DCC: variants seen among roughly 807,000 people sequenced by gnomAD.
The protein encoded by DCC is DCC netrin 1 receptor, also known as netrin receptor DCC.
In DCC, 58 loss-of-function variants were observed where a neutral mutation model predicts 172.5. That is an observed-to-expected ratio of 0.34 (90% confidence interval 0.27 to 0.42). The LOEUF (loss-of-function observed/expected upper bound fraction) is 0.42, where lower values mean the gene tolerates loss of function less well. Among genes scored for constraint, DCC ranks in the 10% least tolerant of loss-of-function variants. The pLI, the probability that DCC is intolerant of heterozygous loss-of-function variation, is 1.00. For missense variants in DCC, 1,740 were observed against 1,791.0 expected, an observed-to-expected ratio of 0.97 and a Z score of 0.51; for synonymous variants, 709 against 644.5, an observed-to-expected ratio of 1.10 and a Z score of -1.52.
chr18:52,493,561 C>T (rs971479248), intron 1 of DCC, among the ~76,000 whole-genome samples: 61 of 151,900 alleles, frequency 4.0e-4, no homozygotes, highest in African/African-American at 1.3e-3. Flanking sequence ...TTTCTGTGTC[C>T]TTAATGTTAT....
At chr18:52,342,993 T>C (rs1983722147) in intron 1 of DCC, among the ~76,000 whole-genome samples, 1 of 152,240 alleles carries the variant, frequency 6.6e-6, no homozygotes, top group South Asian at 2.1e-4. Flanking sequence ...AAGGAAGGGA[T>C]ACATACACAC....
chr18:52,486,678 A>G (rs1385530445), intron 1 of DCC, among the ~76,000 whole-genome samples: 1 of 152,172 alleles, frequency 6.6e-6, no homozygotes, highest in African/African-American at 2.4e-5. Flanking sequence ...TCGTAAAGAT[A>G]GAATACGAAC....
intron 5 of DCC, among the ~76,000 whole-genome samples, chr18:53,005,855 C>T (rs2041636598): frequency 6.6e-6 from 1 of 152,140 alleles, no homozygotes; most frequent in Non-Finnish European, 1.5e-5. Context: ...TATACCTTTG[C>T]TTCGCTTATT....
chr18:52,631,862 C>T (rs1311705493), intron 1 of DCC, among the ~76,000 whole-genome samples: 1 of 152,128 alleles, frequency 6.6e-6, no homozygotes, highest in Non-Finnish European at 1.5e-5. Flanking sequence ...TTAAATTGTC[C>T]TAAATTATCC....
chr18:53,218,860 C>G (rs1428732521), intron 12 of DCC, among the ~76,000 whole-genome samples: 1 of 152,018 alleles, frequency 6.6e-6, no homozygotes, highest in Non-Finnish European at 1.5e-5. Flanking sequence ...CAAATACATA[C>G]TACAACTTAA....
At chr18:52,547,888 C>T (rs1416776782) in intron 1 of DCC, among the ~76,000 whole-genome samples, 1 of 152,086 alleles carries the variant, frequency 6.6e-6, no homozygotes, top group African/African-American at 2.4e-5. Flanking sequence ...CTCAACTTTG[C>T]CATGTAGCCC....
chr18:53,151,532 T>G (rs1249695556), intron 7 of DCC, among the ~76,000 whole-genome samples: 2 of 152,212 alleles, frequency 1.3e-5, no homozygotes, highest in Non-Finnish European at 2.9e-5. Context: ...TTATTTTATG[T>G]GTGTGAGATA....
At chr18:52,479,489 C>G (rs563863795) in intron 1 of DCC, among the ~76,000 whole-genome samples, 258 of 152,056 alleles carry the variant, frequency 1.7e-3, no homozygotes, top group African/African-American at 6.0e-3. Flanking sequence ...ACTAGGACAT[C>G]TACAAAATCT....
At chr18:52,815,114 G>A (rs2038269366) in intron 2 of DCC, among the ~76,000 whole-genome samples, 1 of 152,108 alleles carries the variant, frequency 6.6e-6, no homozygotes, top group Non-Finnish European at 1.5e-5. Flanking sequence ...ACTTTATGAT[G>A]AGAGATACCA....
chr18:53,302,079 C>T (rs910185106), intron 12 of DCC, among the ~76,000 whole-genome samples: 2 of 152,138 alleles, frequency 1.3e-5, no homozygotes, highest in African/African-American at 4.8e-5. Flanking sequence ...TTTCTCTGTG[C>T]ATATCTGTGT....
chr18:52,566,923 A>G (rs1050016334), intron 1 of DCC, among the ~76,000 whole-genome samples: 2 of 152,212 alleles, frequency 1.3e-5, no homozygotes, highest in Admixed American at 6.5e-5. Context: ...AACAAGCTAT[A>G]TGATAAAACT....
intron 11 of DCC, among the ~76,000 whole-genome samples, chr18:53,211,966 T>A (rs1446087283): frequency 6.6e-6 from 1 of 152,116 alleles, no homozygotes; most frequent in Non-Finnish European, 1.5e-5. Context: ...GAGAATCACT[T>A]GTACCTGGGA....
chr18:52,725,480 C>T (rs2036537515), intron 1 of DCC, among the ~76,000 whole-genome samples: 1 of 152,152 alleles, frequency 6.6e-6, no homozygotes, highest in Admixed American at 6.5e-5. Flanking sequence ...ATAATATCAC[C>T]TATTGCTACA....
At chr18:53,480,035 T>C (rs758054502) in intron 25 of DCC, among the ~76,000 whole-genome samples, 3 of 152,208 alleles carry the variant, frequency 2.0e-5, no homozygotes, top group African/African-American at 7.2e-5. Context: ...GATCAGAGTC[T>C]ATATCTTTCC....
At chr18:52,708,854 G>C (rs2036252101) in intron 1 of DCC, among the ~76,000 whole-genome samples, 1 of 152,152 alleles carries the variant, frequency 6.6e-6, no homozygotes, top group Admixed American at 6.5e-5. Flanking sequence ...AAAGAAAAAG[G>C]ATCCTGGGTT....
intron 26 of DCC, among the ~76,000 whole-genome samples, chr18:53,488,383 T>TAAA (rs1409874303): frequency 6.6e-6 from 1 of 151,280 alleles, no homozygotes; most frequent in African/African-American, 2.4e-5. Flanking sequence ...TATTTCAAAT[T>TAAA]AAAAAAAAAG....
At chr18:53,510,416 G>A (rs1274731804) in intron 27 of DCC, among the ~76,000 whole-genome samples, 1 of 152,268 alleles carries the variant, frequency 6.6e-6, no homozygotes, top group East Asian at 1.9e-4. Flanking sequence ...ATGTTTATTT[G>A]AGCAGTCAAG....
chr18:52,438,002 T>C lies in DCC; in HGVS notation c.91+97124T>C, dbSNP rs9963859. On this transcript the variant is annotated intron_variant, in intron 1 of 28. Transcript: ENST00000442544. ...ATTCACTCCTTTTCACAAATATTAG[T>C]ATTAAGAGCCAATGGAAAAATGAAG... Among the ~76,000 whole-genome samples, 5 of 151,972 alleles carry C rather than the reference T, an allele frequency of 3.3e-5. No individual in the cohort carries two copies. In the East Asian group the frequency reaches 9.7e-4, roughly 29 times the overall value.
intron 12 of DCC, among the ~76,000 whole-genome samples, chr18:53,246,365 A>G (rs1312834501): frequency 6.6e-6 from 1 of 152,046 alleles, no homozygotes; most frequent in Non-Finnish European, 1.5e-5. Flanking sequence ...CATCTTTTAC[A>G]TATTAAAATA....
Sources: allele counts gnomAD v4.1 joint callset (sites outside exome capture counted in the v4.1 genomes callset), GRCh38; gene constraint gnomAD v4.1.1; transcripts MANE v1.5; gene names NCBI Gene and HGNC (gene_info 2026-07-23, HGNC 2026-07-21).